The following UGT2A2 variants were observed in gnomAD, a reference collection of about 807,000 sequenced individuals.
UGT2A2 encodes the protein UDP glucuronosyltransferase family 2 member A2, also known as UDP-glucuronosyltransferase 2A2.
A neutral mutation model predicts 50.7 loss-of-function variants in UGT2A2; 60 were observed. The ratio of observed to expected loss-of-function variants is 1.18; its 90% CI spans 0.96 to 1.47. The LOEUF (loss-of-function observed/expected upper bound fraction) is 1.47. Among genes scored for constraint, UGT2A2 ranks in the 40% most tolerant of loss-of-function variants. The pLI, the probability that UGT2A2 is intolerant of heterozygous loss-of-function variation, is 0.00. For missense variants in UGT2A2, 762 were observed against 634.0 expected (o/e 1.20, Z -2.17); for synonymous variants, 242 against 214.6 (o/e 1.13, Z -1.11).
chr4:69,614,385 C>T (rs575679417), intron 1 of UGT2A2, among the ~76,000 whole-genome samples: 2 of 151,864 alleles, frequency 1.3e-5, no homozygotes, highest in Non-Finnish European at 2.9e-5. Flanking sequence ...ATTAAAACGT[C>T]TATAGCACCC....
intron 1 of UGT2A2, among the ~76,000 whole-genome samples, chr4:69,637,449 GA>G (rs1260194529): frequency 6.6e-6 from 1 of 152,080 alleles, no homozygotes; most frequent in East Asian, 1.9e-4. Flanking sequence ...GTTAGTTTAT[GA>G]GTATTCAAGT....
chr4:69,617,117 C>T (rs759107008), intron 1 of UGT2A2, among the ~76,000 whole-genome samples: 1 of 151,922 alleles, frequency 6.6e-6, no homozygotes, highest in Non-Finnish European at 1.5e-5. Flanking sequence ...AATTACAGAA[C>T]TATTGTTAGT....
intron 1 of UGT2A2, among the ~76,000 whole-genome samples, chr4:69,617,671 C>A (rs907810447): frequency 1.3e-5 from 2 of 151,482 alleles, no homozygotes; most frequent in East Asian, 3.9e-4. Context: ...CATACAGGGT[C>A]CATTAAGACG....
At chr4:69,620,650 G>A in intron 1 of UGT2A2, among the ~76,000 whole-genome samples, 1 of 131,770 alleles carries the variant, frequency 7.6e-6, no homozygotes, top group Non-Finnish European at 1.7e-5. Context: ...ATATATATAT[G>A]GAACCAAAAA....
At chr4:69,613,826 T>C (rs1275188072) in intron 1 of UGT2A2, among the ~76,000 whole-genome samples, 1 of 151,868 alleles carries the variant, frequency 6.6e-6, no homozygotes, top group South Asian at 2.1e-4. Context: ...GGAACATAGC[T>C]CAACATTATA....
intron 1 of UGT2A2, among the ~76,000 whole-genome samples, chr4:69,631,655 G>A (rs901331550): frequency 2.0e-5 from 3 of 152,162 alleles, no homozygotes; most frequent in African/African-American, 4.8e-5. Flanking sequence ...AAGGAGAGGA[G>A]TGTGTACATG....
chr4:69,599,958 C>T (rs1397286382), intron 1 of UGT2A2, among the ~76,000 whole-genome samples: 7 of 152,138 alleles, frequency 4.6e-5, no homozygotes. Flanking sequence ...AGAGGCATTG[C>T]TAGCATGCCT....
chr4:69,639,481 G>C lies in UGT2A2; in HGVS notation c.160C>G (p.Gln54Glu). 1 of 1,613,082 alleles carries C rather than the reference G, an allele frequency of 6.2e-7. No homozygotes were observed. Among genetic ancestry groups the C allele is most frequent in the South Asian group, 1.1e-5 (1 of 90,896 alleles). ...AGTACAGTCACATTGTGATTTCTTTGAATCAACTCTTCTAGAATAATCTTA... is the reference window on the plus strand; with the variant it reads ...AGTACAGTCACATTGTGATTTCTTTCAATCAACTCTTCTAGAATAATCTTA... ...NIKIILEELI[Q>E]RNHNVTVLAS... Residue 54 changes from glutamine to glutamate, a missense_variant, in exon 1 of 6, where the codon CAA becomes GAA. Coordinates refer to ENST00000604629, the MANE Select transcript of UGT2A2 (RefSeq NM_001105677.2).
intron 1 of UGT2A2, among the ~76,000 whole-genome samples, chr4:69,629,729 T>C (rs1195333451): frequency 2.6e-5 from 4 of 152,074 alleles, no homozygotes; most frequent in Non-Finnish European, 5.9e-5. Context: ...AACTGATCTT[T>C]TCTGGGCTAC....
intron 5 of UGT2A2, 32 bp downstream of exon 5, chr4:69,594,444 GT>G: frequency 1.2e-6 from 2 of 1,605,296 alleles, no homozygotes; most frequent in Non-Finnish European, 8.5e-7. Context: ...TGTAATTAAA[GT>G]TAGGCAAGTT....
chr4:69,592,991 G>C (rs1035878931), intron 5 of UGT2A2, among the ~76,000 whole-genome samples: 1 of 152,044 alleles, frequency 6.6e-6, no homozygotes, highest in African/African-American at 2.4e-5. Context: ...AAAGCAAAAA[G>C]ATACAACAGT....
At chr4:69,635,717 C>A in intron 1 of UGT2A2, 1 of 272,082 alleles carries the variant, frequency 3.7e-6, no homozygotes, top group Non-Finnish European at 7.4e-6. Context: ...ATCCCAACTA[C>A]AATGGAGGCT....
At chr4:69,613,132 C>T (rs1720168890) in intron 1 of UGT2A2, among the ~76,000 whole-genome samples, 1 of 151,840 alleles carries the variant, frequency 6.6e-6, no homozygotes, top group African/African-American at 2.4e-5. Flanking sequence ...AAAAAATGTG[C>T]ATTATCACTA....
intron 1 of UGT2A2, among the ~76,000 whole-genome samples, chr4:69,608,636 G>T (rs1197512044): frequency 2.0e-5 from 3 of 151,608 alleles, no homozygotes; most frequent in Admixed American, 2.0e-4. Flanking sequence ...GGGAAAAAAT[G>T]AAAAAAATGC....
rs374546120 is a variant in UGT2A2 at position 69,589,680 on chromosome 4, A to G, written c.1332-29T>C. On this transcript the variant is annotated intron_variant, in intron 5 of 5. Transcript: ENST00000604629. ...GAAGACAAATAAATAGGCAGAAATTAGACAATTTTTGTTTTTATTTTCATT... is the reference window on the plus strand; with the variant it reads ...GAAGACAAATAAATAGGCAGAAATTGGACAATTTTTGTTTTTATTTTCATT... 4.7e-5 allele frequency: 73 copies of G among 1,567,858 alleles called. No homozygotes were observed. The African/African-American group carries it at 9.3e-4, about 20-fold the overall frequency.
chr4:69,626,530 A>G (rs1238547519), intron 1 of UGT2A2, among the ~76,000 whole-genome samples: 1 of 151,642 alleles, frequency 6.6e-6, no homozygotes, highest in East Asian at 1.9e-4. Context: ...TTTATTGGGT[A>G]TTATGCTCAC....
intron 1 of UGT2A2, among the ~76,000 whole-genome samples, chr4:69,629,574 T>G (rs1368820254): frequency 6.6e-6 from 1 of 152,192 alleles, no homozygotes. Context: ...TAGACATCTA[T>G]GTGATTGAGC....
chr4:69,617,876 G>A (rs1720494512), intron 1 of UGT2A2, among the ~76,000 whole-genome samples: 1 of 151,658 alleles, frequency 6.6e-6, no homozygotes, highest in South Asian at 2.1e-4. Context: ...TCAATACTTA[G>A]TTTCCTGAGG....
At chr4:69,609,922 G>A (rs1177696488) in intron 1 of UGT2A2, among the ~76,000 whole-genome samples, 1 of 152,136 alleles carries the variant, frequency 6.6e-6, no homozygotes, top group Admixed American at 6.6e-5. Context: ...CTACACTAAT[G>A]TTGAGCATAA....
Sources: gnomAD v4.1 joint callset for allele counts (sites outside exome capture counted in the v4.1 genomes callset) on GRCh38, gnomAD v4.1.1 for gene constraint, MANE v1.5 for transcripts, NCBI Gene and HGNC (gene_info 2026-07-23, HGNC 2026-07-21) for gene names.